Variants in CYP7B1 observed in about 807,000 individuals in gnomAD.
CYP7B1 encodes cytochrome P450 7B1.
CYP7B1 carries 29 observed loss-of-function variants against 42.7 expected under a neutral mutation model. The observed-to-expected ratio is 0.68, with a 90% CI of 0.51 to 0.93. The LOEUF (loss-of-function observed/expected upper bound fraction) is 0.93. Ranked by LOEUF, CYP7B1 falls within the 40% of genes least tolerant of loss-of-function variation. CYP7B1 has a pLI of 0.00. For missense variants in CYP7B1, 655 were observed against 600.5 expected, an observed-to-expected ratio of 1.09 and a Z score of -0.95; for synonymous variants, 235 against 218.2, an observed-to-expected ratio of 1.08 and a Z score of -0.68.
At chr8:64,692,350 G>T (rs1369110229) in intron 1 of CYP7B1, among the ~76,000 whole-genome samples, 2 of 152,186 alleles carry the variant, frequency 1.3e-5, no homozygotes, top group African/African-American at 4.8e-5. Context: ...TGAGAGGGTG[G>T]TTAATCTGTA....
intron 1 of CYP7B1, among the ~76,000 whole-genome samples, chr8:64,658,868 C>T (rs1806160414): frequency 6.6e-6 from 1 of 152,170 alleles, no homozygotes; most frequent in African/African-American, 2.4e-5. Context: ...TCAATTCCCT[C>T]TTTCAAGTAC....
chr8:64,778,256 ATAC>A lies in CYP7B1; in HGVS notation c.122+20207_122+20209del, dbSNP rs1433210994. 3.3e-5 allele frequency among the ~76,000 whole-genome samples: 5 copies of A among 150,210 alleles called. No homozygotes were observed. In the East Asian group the frequency reaches 9.8e-4, roughly 29 times the overall value. On this transcript the variant is annotated intron_variant, in intron 1 of 5. Coordinates refer to ENST00000310193, the MANE Select transcript of CYP7B1 (RefSeq NM_004820.5). ...GTATATGTAGTGTATGTATATACAT[ATAC>A]TACATATACACACATATACATGCAT...
In CYP7B1 at chr8:64,624,624, TAGA is replaced by T. The variant is rs1474468708; in HGVS notation, c.123-88_123-86del. ...ATACAGGTGGTTTATTTACTGAATC[TAGA>T]AGGTGACTGCATGGATTGCACTGCT... is the stretch of plus-strand genomic sequence containing the variant. On this transcript the variant is annotated intron_variant, in intron 1 of 5. Coordinates refer to ENST00000310193, the MANE Select transcript of CYP7B1 (RefSeq NM_004820.5). 21 of 1,492,894 alleles carry T rather than the reference TAGA, an allele frequency of 1.4e-5. No homozygotes were observed. The South Asian group carries it at 2.4e-4, about 17-fold the overall frequency. The allele number at this position is 1,492,894 out of a possible 1,614,324, so 92.5% of individuals were successfully genotyped here.
intron 1 of CYP7B1, among the ~76,000 whole-genome samples, chr8:64,660,520 G>A (rs147331772): frequency 6.6e-6 from 1 of 152,250 alleles, no homozygotes; most frequent in East Asian, 1.9e-4. Context: ...CTTTGTTGCA[G>A]GTCTCAATCC....
chr8:64,778,511 A>G (rs954105343), intron 1 of CYP7B1, among the ~76,000 whole-genome samples: 3 of 152,026 alleles, frequency 2.0e-5, no homozygotes, highest in African/African-American at 7.2e-5. Flanking sequence ...TTCTCATTCA[A>G]TATTTAATGC....
chr8:64,672,669 T>G lies in CYP7B1; in HGVS notation c.123-48130A>C, dbSNP rs1400539154. On this transcript the variant is annotated intron_variant, in intron 1 of 5. Transcript: ENST00000310193. Reference sequence around the variant, plus strand: ...TATCATCCAAGAGCTGTGACTCCTATCAGTAAGGGGAGATTTGGGCCAAGT... The same window carrying G: ...TATCATCCAAGAGCTGTGACTCCTAGCAGTAAGGGGAGATTTGGGCCAAGT... Among the ~76,000 whole-genome samples, 3 of 152,098 alleles carry G rather than the reference T, an allele frequency of 2.0e-5. No homozygotes were observed. The East Asian group carries it at 5.8e-4, about 29-fold the overall frequency.
chr8:64,679,429 A>G (rs1806503204), intron 1 of CYP7B1, among the ~76,000 whole-genome samples: 1 of 152,198 alleles, frequency 6.6e-6, no homozygotes, highest in Non-Finnish European at 1.5e-5. Context: ...CCCTTTGAAA[A>G]TATTTTTTAT....
At chr8:64,796,469 T>C (rs968292197) in intron 1 of CYP7B1, among the ~76,000 whole-genome samples, 4 of 152,246 alleles carry the variant, frequency 2.6e-5, no homozygotes, top group Non-Finnish European at 5.9e-5. Flanking sequence ...AAATGATTTA[T>C]AATACCAGTA....
chr8:64,754,891 A>G (rs957656261), intron 1 of CYP7B1, among the ~76,000 whole-genome samples: 3 of 152,208 alleles, frequency 2.0e-5, no homozygotes, highest in Non-Finnish European at 4.4e-5. Context: ...GGAATTTCAG[A>G]TCAAGAAATG....
At chr8:64,632,179 C>T (rs1805706411) in intron 1 of CYP7B1, among the ~76,000 whole-genome samples, 1 of 152,054 alleles carries the variant, frequency 6.6e-6, no homozygotes, top group African/African-American at 2.4e-5. Flanking sequence ...CCTAAATGTC[C>T]ACTGACACAT....
intron 1 of CYP7B1, among the ~76,000 whole-genome samples, chr8:64,692,346 G>T (rs1219642774): frequency 1.3e-5 from 2 of 152,164 alleles, no homozygotes; most frequent in Non-Finnish European, 2.9e-5. Flanking sequence ...TTTATGAGAG[G>T]GTGGTTAATC....
intron 1 of CYP7B1, among the ~76,000 whole-genome samples, chr8:64,705,327 AAT>A (rs1440439940): frequency 6.6e-6 from 1 of 152,006 alleles, no homozygotes; most frequent in Non-Finnish European, 1.5e-5. Context: ...ATTGTCTCAT[AAT>A]ATGTCAGAAA....
chr8:64,645,992 C>T (rs895322153), intron 1 of CYP7B1, among the ~76,000 whole-genome samples: 7 of 152,222 alleles, frequency 4.6e-5, no homozygotes, highest in African/African-American at 1.7e-4. Flanking sequence ...AACTGGCCAG[C>T]CATATGTAGA....
chr8:64,690,864 C>T (rs1806729121), intron 1 of CYP7B1, among the ~76,000 whole-genome samples: 1 of 152,208 alleles, frequency 6.6e-6, no homozygotes, highest in Non-Finnish European at 1.5e-5. Flanking sequence ...GTGGCTTAAA[C>T]ATGCACATAA....
chr8:64,667,376 G>GC (rs1316420904), intron 1 of CYP7B1, among the ~76,000 whole-genome samples: 9 of 152,114 alleles, frequency 5.9e-5, no homozygotes, highest in Admixed American at 5.9e-4. Context: ...GCATGCTGGT[G>GC]CAGAGGGCCA....
intron 1 of CYP7B1, among the ~76,000 whole-genome samples, chr8:64,735,325 T>C (rs991754106): frequency 1.3e-5 from 2 of 151,964 alleles, no homozygotes; most frequent in African/African-American, 2.4e-5. Flanking sequence ...AAAAACAGAG[T>C]AGAAGTTACC....
chr8:64,703,351 G>T (rs1242861771), intron 1 of CYP7B1, among the ~76,000 whole-genome samples: 1 of 151,960 alleles, frequency 6.6e-6, no homozygotes, highest in East Asian at 1.9e-4. Context: ...CGGAAGCACA[G>T]CATAACCCCT....
rs1806015820 is a variant in CYP7B1, at chr8:64,650,106, T to C, written c.123-25567A>G. On this transcript the variant is annotated intron_variant, in intron 1 of 5. Coordinates refer to ENST00000310193, the MANE Select transcript of CYP7B1 (RefSeq NM_004820.5). ...ATTTTGTTGCCTGTGCCTGTGCATA[T>C]GTTTAAAATAAAACTGTCTTACAGT... Among the ~76,000 whole-genome samples, 2 of 152,316 alleles carry C rather than the reference T, an allele frequency of 1.3e-5. 1 individual carries two copies. The highest frequency in any genetic ancestry group is 4.1e-4 in the South Asian group (2 of 4,820).
At chr8:64,794,902 A>C (rs1804680714) in intron 1 of CYP7B1, among the ~76,000 whole-genome samples, 1 of 152,184 alleles carries the variant, frequency 6.6e-6, no homozygotes, top group Non-Finnish European at 1.5e-5. Context: ...AAAAAAACAA[A>C]ATCCAAAATC....
Sources: allele counts gnomAD v4.1 joint callset (sites outside exome capture counted in the v4.1 genomes callset), GRCh38; gene constraint gnomAD v4.1.1; transcripts MANE v1.5; gene names NCBI Gene and HGNC (gene_info 2026-07-23, HGNC 2026-07-21).